The following PDE4D variants were observed in gnomAD, a reference collection of about 807,000 sequenced individuals.
The protein encoded by PDE4D is phosphodiesterase 4D.
PDE4D carries 24 observed loss-of-function variants against 87.4 expected under a neutral mutation model. The observed-to-expected ratio is 0.27, with a 90% CI of 0.20 to 0.39. The LOEUF (loss-of-function observed/expected upper bound fraction) is 0.39, where lower values mean the gene tolerates loss of function less well. PDE4D is among the 10% of genes least tolerant of loss of function. The pLI is 1.00. For synonymous variants in PDE4D, 384 were observed against 383.2 expected (o/e 1.00, Z -0.02); for missense variants, 714 against 1,041.0 (o/e 0.69, Z 4.32).
intron 1 of PDE4D, among the ~76,000 whole-genome samples, chr5:59,337,052 A>C (rs1037588096): frequency 1.3e-5 from 2 of 152,230 alleles, no homozygotes; most frequent in Non-Finnish European, 2.9e-5. Context: ...TAAAAAGAGA[A>C]TATAGCAAGA....
At chr5:59,295,611 G>A (rs1251733458) in intron 1 of PDE4D, among the ~76,000 whole-genome samples, 1 of 152,108 alleles carries the variant, frequency 6.6e-6, no homozygotes, top group Non-Finnish European at 1.5e-5. Context: ...TGGTTATAAG[G>A]CCAAGGATCA....
intron 1 of PDE4D, among the ~76,000 whole-genome samples, chr5:59,574,115 TA>T (rs1822603921): frequency 2.1e-3 from 8 of 3,784 alleles, no homozygotes; most frequent in African/African-American, 2.9e-3. Context: ...TATATATATA[TA>T]TAAATATATA....
At chr5:59,062,768 AAC>A (rs1045901772) in intron 5 of PDE4D, among the ~76,000 whole-genome samples, 1 of 151,248 alleles carries the variant, frequency 6.6e-6, no homozygotes, top group African/African-American at 2.4e-5. Flanking sequence ...TTCCAGATAA[AAC>A]TTTTTTTAAA....
At chr5:59,692,650 T>C (rs1414130507) in intron 1 of PDE4D, among the ~76,000 whole-genome samples, 1 of 152,150 alleles carries the variant, frequency 6.6e-6, no homozygotes, top group Non-Finnish European at 1.5e-5. Flanking sequence ...TGAACTAGAT[T>C]CTATGTTGGC....
At chr5:59,923,642 G>A (rs1157282933) in intron 3 of PDE4D, among the ~76,000 whole-genome samples, 1 of 152,226 alleles carries the variant, frequency 6.6e-6, no homozygotes, top group Admixed American at 6.5e-5. Context: ...GGGTCAGCAA[G>A]AGCCATGGCA....
intron 2 of PDE4D, among the ~76,000 whole-genome samples, chr5:59,998,790 G>A (rs552399663): frequency 6.6e-6 from 1 of 152,024 alleles, no homozygotes; most frequent in Admixed American, 6.6e-5. Flanking sequence ...AGAAAGTTTA[G>A]TGGAAAAATA....
In PDE4D at chr5:59,756,102, T is replaced by C. The variant is rs926628870; in HGVS notation, c.455+137066A>G. On this transcript the variant is annotated intron_variant, in intron 1 of 14. Coordinates refer to ENST00000340635, the MANE Select transcript of PDE4D (RefSeq NM_001104631.2). ...TCTATTATTTTAGTTCTTCTGAAGA[T>C]CTACTTTGGAAAAATGGTACTTAAT... Among the ~76,000 whole-genome samples the C allele has an allele frequency of 1.7e-4, 26 of 151,988 alleles. No homozygotes were observed. In the East Asian group the frequency reaches 2.1e-3, roughly 12 times the overall value.
chr5:60,155,882 A>G (rs1309554170), intron 2 of PDE4D, among the ~76,000 whole-genome samples: 1 of 152,206 alleles, frequency 6.6e-6, no homozygotes, highest in African/African-American at 2.4e-5. Flanking sequence ...AAATTAATGG[A>G]AAGCCTTGTT....
intron 2 of PDE4D, among the ~76,000 whole-genome samples, chr5:60,123,360 G>T (rs1778854136): frequency 6.6e-6 from 1 of 152,190 alleles, no homozygotes; most frequent in African/African-American, 2.4e-5. Context: ...GGTTTAATTG[G>T]ACTTACACTT....
intron 1 of PDE4D, among the ~76,000 whole-genome samples, chr5:59,744,251 C>T (rs771119228): frequency 9.9e-5 from 15 of 152,144 alleles, no homozygotes; most frequent in Non-Finnish European, 1.9e-4. Flanking sequence ...CTGATTTTGA[C>T]ATCTCTTCTT....
chr5:59,110,475 T>C (rs1220500448), intron 5 of PDE4D, among the ~76,000 whole-genome samples: 3 of 152,236 alleles, frequency 2.0e-5, no homozygotes, highest in East Asian at 1.9e-4. Context: ...CAGCTAACTG[T>C]TGATGAACAC....
chr5:59,239,332 C>T (rs1459528487), intron 1 of PDE4D, among the ~76,000 whole-genome samples: 1 of 152,094 alleles, frequency 6.6e-6, no homozygotes, highest in Non-Finnish European at 1.5e-5. Context: ...GTGAAATTCT[C>T]CTCAACCCTG....
Position 59,357,757 on chromosome 5 carries a change from T to C in PDE4D, c.456-141789A>G, listed in dbSNP as rs572968334. Among the ~76,000 whole-genome samples the C allele has an allele frequency of 1.2e-4, 18 of 152,344 alleles. 1 individual carries two copies. The South Asian group carries it at 3.7e-3, about 32-fold the overall frequency. On this transcript the variant is annotated intron_variant, in intron 1 of 14. Transcript: ENST00000340635. The stretch of plus-strand genomic sequence containing the variant: ...CCAGGACATTTTGGGAAAGCATCTA[T>C]TTCAAGAAATTGTACCCAAGGAGTC...
intron 1 of PDE4D, among the ~76,000 whole-genome samples, chr5:59,279,583 G>T (rs17528634): frequency 4.3e-4 from 66 of 151,918 alleles, no homozygotes; most frequent in South Asian, 1.2e-3. Context: ...TAAACTGTCA[G>T]GTTAGGATAA....
At position 60,387,117 on chromosome 5, in the gene PDE4D, T is replaced by G. The variant is rs540631357; in HGVS notation, c.-90+100825A>C. Among the ~76,000 whole-genome samples, 5 of 152,334 alleles carry G rather than the reference T, an allele frequency of 3.3e-5. No homozygotes were observed. The South Asian group carries it at 1.0e-3, about 32-fold the overall frequency. On this transcript the variant is annotated intron_variant, in intron 1 of 16. Transcript: ENST00000502484. ...TGGCCAACACTAGGATTCTTTCATC[T>G]GAGATGATAAAAATCTACCAATGCA...
chr5:60,199,077 T>G (rs1474236516), intron 1 of PDE4D, among the ~76,000 whole-genome samples: 1 of 151,780 alleles, frequency 6.6e-6, no homozygotes, highest in African/African-American at 2.4e-5. Context: ...CTCAGAGATT[T>G]GAAATCCTTT....
chr5:59,060,718 T>G (rs1393211997), intron 5 of PDE4D, among the ~76,000 whole-genome samples: 1 of 152,092 alleles, frequency 6.6e-6, no homozygotes, highest in Non-Finnish European at 1.5e-5. Flanking sequence ...TTGGATGACT[T>G]TCTTCCAGCT....
chr5:60,264,996 T>C (rs1044694302), intron 1 of PDE4D, among the ~76,000 whole-genome samples: 7 of 152,324 alleles, frequency 4.6e-5, no homozygotes, highest in African/African-American at 1.7e-4. Flanking sequence ...CTTCTCTTTG[T>C]AGTGTATTAC....
intron 1 of PDE4D, among the ~76,000 whole-genome samples, chr5:59,486,604 C>A (rs1805195407): frequency 6.6e-6 from 1 of 152,128 alleles, no homozygotes; most frequent in Admixed American, 6.6e-5. Flanking sequence ...TTATTATCCC[C>A]ATTTTACAGG....
Sources: allele counts gnomAD v4.1 joint callset (sites outside exome capture counted in the v4.1 genomes callset), GRCh38; gene constraint gnomAD v4.1.1; transcripts MANE v1.5; gene names NCBI Gene and HGNC (gene_info 2026-07-23, HGNC 2026-07-21).